DSP: variants seen among roughly 807,000 people sequenced by gnomAD.
DSP encodes the protein 250/210 kDa paraneoplastic pemphigus antigen.
A neutral mutation model predicts 290.6 loss-of-function variants in DSP; 114 were observed. The ratio of observed to expected loss-of-function variants is 0.39; its 90% CI spans 0.34 to 0.46. DSP has a LOEUF of 0.46. Among genes scored for constraint, DSP ranks in the 20% least tolerant of loss-of-function variants. The pLI is 0.99. For missense variants in DSP, 3,230 were observed against 3,495.8 expected (o/e 0.92, Z 1.92); for synonymous variants, 1,311 against 1,316.4 (o/e 1.00, Z 0.09).
rs369682599 is a variant in DSP, at chr6:7,585,744, G to C, written c.8482G>C (p.Gly2828Arg). ...GTCTTCGGCTCCGGGGTCCCGCTCC[G>C]GCTCCCGCTCGGGATCTCGCTCCGG... ...NMSSAPGSRSGSRSGSRSGSR... is the reference protein window; with the variant it reads ...NMSSAPGSRSRSRSGSRSGSR... Residue 2828 changes from glycine (G) to arginine (R), a missense_variant, in exon 24 of 24, where the codon GGC (glycine) becomes CGC (arginine). Coordinates refer to ENST00000379802, the MANE Select transcript of DSP (RefSeq NM_004415.4). The C allele has an allele frequency of 1.2e-6, 2 of 1,610,202 alleles. No individual in the cohort carries two copies. The highest frequency in any genetic ancestry group is 1.3e-5 in the African/African-American group (1 of 74,646).
intron 19 of DSP, 127 bp downstream of exon 19, chr6:7,576,583 G>A: frequency 8.1e-7 from 1 of 1,241,074 alleles, no homozygotes. Flanking sequence ...AACCCATTTT[G>A]TGAAGGCTTA....
chr6:7,584,360 C>T lies in DSP; in HGVS notation c.7098C>T (p.Arg2366=). 1.2e-6 allele frequency: 2 copies of T among 1,614,110 alleles called. No homozygotes were observed. Among genetic ancestry groups the T allele is most frequent in the African/African-American group, 1.3e-5 (1 of 75,024 alleles). ...KELIEKGHGI[R]LLEAQIATGG... Reference sequence around the variant, plus strand: ...TCATCGAAAAGGGCCACGGTATTCGCTTATTAGAAGCACAGATCGCAACCG... The same window carrying T: ...TCATCGAAAAGGGCCACGGTATTCGTTTATTAGAAGCACAGATCGCAACCG... Residue 2366 remains arginine, a synonymous_variant, in exon 24 of 24, where the codon CGC becomes CGT. Coordinates refer to ENST00000379802, the MANE Select transcript of DSP (RefSeq NM_004415.4). This position sits in a 1 kb window ranked among gnomAD's most constrained non-coding sequence, Gnocchi z 6.4.
chr6:7,559,334 C>T lies in DSP; in HGVS notation c.531C>T (p.Gly177=). ...GTGGAGGCTACACTTGTCAGAGTGG[C>T]TCTGGCTGGGATGAGTTCACCAAAC... ...KGGGGYTCQS[G]SGWDEFTKHV... The change falls in exon 4 of 24, where the codon GGC becomes GGT. Residue 177 remains glycine (G), a synonymous_variant. Coordinates refer to ENST00000379802, the MANE Select transcript of DSP (RefSeq NM_004415.4). 4 of 1,613,724 alleles carry T rather than the reference C, an allele frequency of 2.5e-6. No individual in the cohort carries two copies. Among genetic ancestry groups the T allele is most frequent in the Admixed American group, 3.3e-5 (2 of 60,022 alleles).
At position 7,585,259 on chromosome 6, in the gene DSP, G is replaced by A. The variant is rs750085948; in HGVS notation, c.7997G>A (p.Gly2666Asp). The A allele has an allele frequency of 6.2e-7, 1 of 1,614,150 alleles. No individual in the cohort carries two copies. Among genetic ancestry groups the A allele is most frequent in the South Asian group, 1.1e-5 (1 of 91,080 alleles). Residue 2666 changes from glycine (G) to aspartate (D), a missense_variant, in exon 24 of 24, where the codon GGC (glycine) becomes GAC (aspartate). Gly to Asp is a moderately conservative substitution (Grantham distance 94, BLOSUM62 -1). Around this residue, in one of 5 missense-constraint regions of DSP, gnomAD observed 582 missense variants for 555.4 expected, o/e 1.05. Transcript: ENST00000379802. ...GGTGGCATCATCCACCCAACCACGG[G>A]CCAGAAGCTGTCACTTCAGGACGCA... ...CTGGIIHPTT[G>D]QKLSLQDAVS...
rs1355145468 is a variant in DSP, at chr6:7,582,206, A to G, written c.5380-436A>G. 1.4e-5 allele frequency among the ~76,000 whole-genome samples: 2 copies of G among 144,322 alleles called. No homozygotes were observed. Among genetic ancestry groups the G allele is most frequent in the Admixed American group, 1.4e-4 (2 of 14,328 alleles). The allele number at this position is 144,322 out of a possible 152,430, so 94.7% of individuals were successfully genotyped here. A position where few individuals can be genotyped will look rare whatever the true frequency, so the allele number is the denominator to read the frequency against. ...ATATATATAATTATATAATTACATA[A>G]TATATATTTATCTATAATATATATT... On this transcript the variant is annotated intron_variant, in intron 23 of 23. Coordinates refer to ENST00000379802, the MANE Select transcript of DSP (RefSeq NM_004415.4). The surrounding 1 kb of genome is among the most constrained non-coding windows in gnomAD (Gnocchi z 4.2).
At chr6:7,542,251 A>G (rs1758014203) in intron 1 of DSP, among the ~76,000 whole-genome samples, 166 bp downstream of exon 1, 1 of 150,150 alleles carries the variant, frequency 6.7e-6, no homozygotes, top group African/African-American at 2.4e-5. Context: ...GGGTGTCCTG[A>G]CGCGTGCGGG....
Position 7,570,527 on chromosome 6 carries a change from T to G in DSP, c.1665T>G (p.Ile555Met). The change falls in exon 13 of 24, where the codon ATT (isoleucine) becomes ATG (methionine). Residue 555 changes from isoleucine (I) to methionine (M), a missense_variant. Ile to Met is a conservative substitution (Grantham distance 10). Coordinates refer to ENST00000379802, the MANE Select transcript of DSP (RefSeq NM_004415.4). ...KSLVSWHYCM[I>M]DIEKIRAMTI... Reference sequence around the variant, plus strand: ...TGGTGTCCTGGCACTACTGCATGATTGACATAGAGAAGATCAGGGCCATGA... The same window carrying G: ...TGGTGTCCTGGCACTACTGCATGATGGACATAGAGAAGATCAGGGCCATGA... 6.2e-7 allele frequency: 1 copy of G among 1,613,918 alleles called. No homozygotes were observed. The highest frequency in any genetic ancestry group is 1.1e-5 in the South Asian group (1 of 91,068).
rs780766289 is a variant in DSP, at chr6:7,585,799, G to A, written c.8537G>A (p.Arg2846Gln). The part of the protein sequence containing the change: ...GSRSGSRSGS[R>Q]RGSFDATGNS... ...CGCTCCGGGTCCCGCAGTGGGTCCC[G>A]GAGAGGAAGCTTTGACGCCACAGGG... The change falls in exon 24 of 24, where the codon CGG becomes CAG. Residue 2846 changes from arginine to glutamine, a missense_variant. Coordinates refer to ENST00000379802, the MANE Select transcript of DSP (RefSeq NM_004415.4). 3 of 1,610,832 alleles carry A rather than the reference G, an allele frequency of 1.9e-6. No individual in the cohort carries two copies. Among genetic ancestry groups the A allele is most frequent in the East Asian group, 2.2e-5 (1 of 44,868 alleles).
At chr6:7,578,344 C>A in intron 21 of DSP, 120 bp from the exon 22 acceptor site, 1 of 871,284 alleles carries the variant, frequency 1.1e-6, no homozygotes, top group Non-Finnish European at 1.8e-6. Flanking sequence ...AATGAACACA[C>A]TAAAGAAGAG....
intron 15 of DSP, among the ~76,000 whole-genome samples, chr6:7,573,317 G>A (rs9505232): frequency 0.24 from 36,054 of 151,940 alleles, 4,671 homozygotes; most frequent in Middle Eastern, 0.37. Flanking sequence ...GGTGGCTCAC[G>A]CCTGTAATCC....
Position 7,580,980 on chromosome 6 carries a change from A to C in DSP, c.4790A>C (p.Glu1597Ala), listed in dbSNP as rs752587486. 3 of 1,614,116 alleles carry C rather than the reference A, an allele frequency of 1.9e-6. No individual in the cohort carries two copies. Among genetic ancestry groups the C allele is most frequent in the South Asian group, 2.2e-5 (2 of 91,086 alleles). ...DSCKRKKLEE[E>A]LEGMRRSLKE... The stretch of plus-strand genomic sequence containing the variant: ...TGCAAGAGGAAGAAGCTGGAGGAAG[A>C]GCTGGAAGGCATGAGGAGGTCGCTG... Residue 1597 changes from glutamate (E) to alanine (A), a missense_variant, in exon 23 of 24, where the codon GAG becomes GCG. Glu to Ala is a moderately radical substitution (Grantham distance 107). Around this residue, in one of 5 missense-constraint regions of DSP, gnomAD observed 1,714 missense variants for 1,844.5 expected, o/e 0.93. Coordinates refer to ENST00000379802, the MANE Select transcript of DSP (RefSeq NM_004415.4). The surrounding 1 kb of genome is among the most constrained non-coding windows in gnomAD (Gnocchi z 4.2).
chr6:7,545,096 T>C (rs908040414), intron 1 of DSP, among the ~76,000 whole-genome samples: 1 of 152,158 alleles, frequency 6.6e-6, no homozygotes, highest in African/African-American at 2.4e-5. Context: ...AAGGGTGAAT[T>C]TGTGGGAGGA....
rs1286181726 is a variant in DSP, at chr6:7,583,744, C to T, written c.6482C>T (p.Ser2161Phe). 1.9e-6 allele frequency: 3 copies of T among 1,614,006 alleles called. No homozygotes were observed. Among genetic ancestry groups the T allele is most frequent in the African/African-American group, 2.7e-5 (2 of 74,984 alleles). ...RGLIDRDLYR[S>F]LNDPRDSQKN... Reference sequence around the variant, plus strand: ...CTGATTGATAGAGATTTGTATCGATCCCTGAATGATCCCCGAGATAGTCAG... The same window carrying T: ...CTGATTGATAGAGATTTGTATCGATTCCTGAATGATCCCCGAGATAGTCAG... The change falls in exon 24 of 24, where the codon TCC becomes TTC. Residue 2161 changes from serine to phenylalanine, a missense_variant. Physicochemically the swap from Ser to Phe is radical, Grantham distance 155. Coordinates refer to ENST00000379802, the MANE Select transcript of DSP (RefSeq NM_004415.4). This position sits in a 1 kb window ranked among gnomAD's most constrained non-coding sequence, Gnocchi z 4.0.
At chr6:7,544,593 T>A (rs906342064) in intron 1 of DSP, among the ~76,000 whole-genome samples, 2 of 152,074 alleles carry the variant, frequency 1.3e-5, no homozygotes, top group African/African-American at 4.8e-5. Flanking sequence ...ATTAATAGAT[T>A]GGTGATTTTT....
intron 4 of DSP, among the ~76,000 whole-genome samples, chr6:7,561,794 C>G (rs528471685): frequency 3.6e-4 from 55 of 152,286 alleles, no homozygotes; most frequent in Non-Finnish European, 6.8e-4. Flanking sequence ...GTTTTATGTT[C>G]TTGCTGCAAT....
chr6:7,562,168 T>G (rs1037240336), intron 4 of DSP, among the ~76,000 whole-genome samples: 2 of 152,132 alleles, frequency 1.3e-5, no homozygotes, highest in African/African-American at 4.8e-5. Flanking sequence ...ATTACATCCA[T>G]CAAGACAATA....
At chr6:7,562,341 C>G (rs946779455) in intron 4 of DSP, among the ~76,000 whole-genome samples, 5 of 149,548 alleles carry the variant, frequency 3.3e-5, no homozygotes, top group African/African-American at 1.2e-4. Flanking sequence ...GTTCTGTGCA[C>G]ATGCTTGCTT....
rs919857531 is a variant in DSP at position 7,582,368 on chromosome 6, G to A, written c.5380-274G>A. ...CACATTTTTTCAAAGCATAATTATT[G>A]TTAAGAGTAAGACAGGTCTGCAACT... On this transcript the variant is annotated intron_variant, in intron 23 of 23. Transcript: ENST00000379802. This position sits in a 1 kb window ranked among gnomAD's most constrained non-coding sequence, Gnocchi z 4.2. 6.6e-6 allele frequency among the ~76,000 whole-genome samples: 1 copy of A among 151,476 alleles called. No individual in the cohort carries two copies. Among genetic ancestry groups the A allele is most frequent in the African/African-American group, 2.4e-5 (1 of 41,292 alleles).
Position 7,551,930 on chromosome 6 carries a change from C to G in DSP, c.171-3788C>G, listed in dbSNP as rs527501731. 7.2e-5 allele frequency among the ~76,000 whole-genome samples: 11 copies of G among 152,252 alleles called. No individual in the cohort carries two copies. The South Asian group carries it at 2.1e-3, about 29-fold the overall frequency. On this transcript the variant is annotated intron_variant, in intron 1 of 23. Coordinates refer to ENST00000379802, the MANE Select transcript of DSP (RefSeq NM_004415.4). ...ACAAGGTATATACCTAGTTCCTTTTCTCGCCTCGGTCTGTTTCCAAAGGGA... is the reference window on the plus strand; with the variant it reads ...ACAAGGTATATACCTAGTTCCTTTTGTCGCCTCGGTCTGTTTCCAAAGGGA...
Sources: gnomAD v4.1 joint callset for allele counts (sites outside exome capture counted in the v4.1 genomes callset) on GRCh38, gnomAD v4.1.1 for gene constraint, gnomAD v4.1.1 regional missense constraint, Gnocchi (gnomAD v3.1) non-coding constraint, MANE v1.5 for transcripts, NCBI Gene and HGNC (gene_info 2026-07-23, HGNC 2026-07-21) for gene names.